The following USP34 variants were observed in gnomAD, a reference collection of about 807,000 sequenced individuals.
USP34 encodes the protein ubiquitin specific peptidase 34, also known as ubiquitin carboxyl-terminal hydrolase 34.
A neutral mutation model predicts 460.3 loss-of-function variants in USP34; 70 were observed. That is an observed-to-expected ratio of 0.15 (90% CI 0.13 to 0.19). The LOEUF (loss-of-function observed/expected upper bound fraction) is 0.19, where lower values mean the gene tolerates loss of function less well. Among genes scored for constraint, USP34 ranks in the 10% least tolerant of loss-of-function variants. The pLI is 1.00. For synonymous variants in USP34, 1,647 were observed against 1,405.3 expected (o/e 1.17, Z -3.85); for missense variants, 3,985 against 4,236.2 (o/e 0.94, Z 1.65).
intron 20 of USP34, among the ~76,000 whole-genome samples, chr2:61,328,504 A>G (rs908149479): frequency 6.6e-6 from 1 of 152,150 alleles, no homozygotes; most frequent in Non-Finnish European, 1.5e-5. Flanking sequence ...GCAAATGTAC[A>G]CTTGTTTTAC....
chr2:61,258,818 T>C (rs1688792894), intron 44 of USP34, among the ~76,000 whole-genome samples: 1 of 152,128 alleles, frequency 6.6e-6, no homozygotes, highest in African/African-American at 2.4e-5. Flanking sequence ...GATACTAAGA[T>C]AAATCAGCTA....
At chr2:61,393,268 T>G (rs1257265410) in intron 5 of USP34, among the ~76,000 whole-genome samples, 1 of 151,574 alleles carries the variant, frequency 6.6e-6, no homozygotes, top group Non-Finnish European at 1.5e-5. Flanking sequence ...CAATCTCTAT[T>G]AAAAATACAA....
chr2:61,224,653 A>G (rs1233497066), intron 62 of USP34, among the ~76,000 whole-genome samples: 1 of 152,212 alleles, frequency 6.6e-6, no homozygotes, highest in Non-Finnish European at 1.5e-5. Flanking sequence ...ACTGTTTTCC[A>G]TTATTTATCA....
chr2:61,300,156 A>C (rs917973158), intron 29 of USP34, among the ~76,000 whole-genome samples: 1 of 152,206 alleles, frequency 6.6e-6, no homozygotes, highest in East Asian at 1.9e-4. Flanking sequence ...ATAAAACAAA[A>C]ATCAGAACAT....
intron 1 of USP34, among the ~76,000 whole-genome samples, chr2:61,427,086 G>A (rs1198168716): frequency 6.6e-6 from 1 of 152,174 alleles, no homozygotes; most frequent in African/African-American, 2.4e-5. Context: ...GGAGTGCAGT[G>A]GCACGATCTC....
Position 61,339,689 on chromosome 2 carries a change from G to GAA in USP34, c.2501-10_2501-9dup, listed in dbSNP as rs369130574. On this transcript the variant is annotated splice_polypyrimidine_tract_variant and intron_variant, in intron 16 of 79. Transcript: ENST00000398571. ...GTTTATGAACTACAGGTCCTGAAGA[G>GAA]AAAAAAAAAAAAAAGACACACTATA... 440 of 999,914 alleles carry GAA rather than the reference G, an allele frequency of 4.4e-4. No homozygotes were observed. Among genetic ancestry groups the GAA allele is most frequent in the South Asian group, 1.1e-3 (37 of 34,552 alleles). 61.9% of individuals were successfully genotyped at this position (999,914 alleles called of 1,614,324 possible). A position where few individuals can be genotyped will look rare whatever the true frequency, so the allele number is the denominator to read the frequency against.
intron 18 of USP34, among the ~76,000 whole-genome samples, chr2:61,334,188 A>G (rs1691351216): frequency 1.3e-5 from 2 of 152,194 alleles, no homozygotes; most frequent in Non-Finnish European, 2.9e-5. Flanking sequence ...TCTTTAAGGT[A>G]AAACACACTA....
intron 1 of USP34, among the ~76,000 whole-genome samples, chr2:61,449,891 C>T (rs1207973367): frequency 6.6e-6 from 1 of 151,960 alleles, no homozygotes; most frequent in Non-Finnish European, 1.5e-5. Flanking sequence ...TATGGTGAAA[C>T]CCCGTCTCTA....
chr2:61,224,002 T>C (rs1286541174), intron 62 of USP34, among the ~76,000 whole-genome samples: 1 of 152,166 alleles, frequency 6.6e-6, no homozygotes, highest in Non-Finnish European at 1.5e-5. Flanking sequence ...TATCATTTAA[T>C]CCATAAATCA....
At chr2:61,222,200 T>C (rs1177228370) in intron 65 of USP34, among the ~76,000 whole-genome samples, 3 of 152,232 alleles carry the variant, frequency 2.0e-5, no homozygotes, top group African/African-American at 7.2e-5. Flanking sequence ...TTTATAGTAA[T>C]GTTTGACATC....
intron 48 of USP34, among the ~76,000 whole-genome samples, chr2:61,253,316 C>A (rs1688635925): frequency 6.6e-6 from 1 of 152,210 alleles, no homozygotes; most frequent in Non-Finnish European, 1.5e-5. Flanking sequence ...ATTAGAGATT[C>A]TCCAAAGAAC....
intron 41 of USP34, among the ~76,000 whole-genome samples, chr2:61,267,638 G>A (rs943543895): frequency 2.0e-5 from 3 of 151,800 alleles, no homozygotes; most frequent in Non-Finnish European, 4.4e-5. Flanking sequence ...GTTTGAGACA[G>A]AGTCTTGCTC....
At chr2:61,444,257 T>C (rs959916984) in intron 1 of USP34, among the ~76,000 whole-genome samples, 1 of 151,664 alleles carries the variant, frequency 6.6e-6, no homozygotes, top group African/African-American at 2.4e-5. Context: ...AAAAATAAAA[T>C]CTATTAAAAA....
chr2:61,405,577 A>G (rs913674336), intron 3 of USP34, 131 bp downstream of exon 3: 1 of 930,686 alleles, frequency 1.1e-6, no homozygotes, highest in African/African-American at 1.7e-5. Flanking sequence ...CTCTGGAGAA[A>G]CATTAAATAA....
Position 61,227,177 on chromosome 2 carries a change from T to C in USP34, c.7485A>G (p.Glu2495=), listed in dbSNP as rs544496278. ...GAGAGAGGATATCTTCTTCCTCCTC[T>C]TCTTCTTCCCCTTCTTCCTCTGATA... ...EVLSEEEGEE[E]EEEEDILSLA... The change falls in exon 62 of 80, where the codon GAA becomes GAG. Residue 2495 remains glutamate (E), a synonymous_variant. Coordinates refer to ENST00000398571, the MANE Select transcript of USP34 (RefSeq NM_014709.4). 9.3e-6 allele frequency: 15 copies of C among 1,613,824 alleles called. No individual in the cohort carries two copies. The highest frequency in any genetic ancestry group is 6.7e-5 in the East Asian group (3 of 44,858).
intron 10 of USP34, among the ~76,000 whole-genome samples, chr2:61,364,243 TC>T (rs1692362046): frequency 1.3e-5 from 2 of 152,160 alleles, no homozygotes; most frequent in Non-Finnish European, 2.9e-5. Flanking sequence ...CATGCTTTAG[TC>T]CCAGCTACTC....
chr2:61,229,236 T>A (rs1005605273), intron 59 of USP34, among the ~76,000 whole-genome samples: 1 of 129,672 alleles, frequency 7.7e-6, no homozygotes, highest in East Asian at 2.2e-4. Flanking sequence ...AGTTTTACCT[T>A]CTTGAATGTA....
chr2:61,292,189 CT>C (rs1689876629), intron 33 of USP34, among the ~76,000 whole-genome samples: 1 of 151,378 alleles, frequency 6.6e-6, no homozygotes, highest in African/African-American at 2.4e-5. Context: ...TGCATGTTAA[CT>C]ATATTTCAAA....
chr2:61,241,022 C>T (rs1688241125), intron 53 of USP34, among the ~76,000 whole-genome samples: 1 of 152,030 alleles, frequency 6.6e-6, no homozygotes, highest in African/African-American at 2.4e-5. Context: ...TTAAGTCACT[C>T]TGATTCCCTC....
Sources: gnomAD v4.1 joint callset for allele counts (sites outside exome capture counted in the v4.1 genomes callset) on GRCh38, gnomAD v4.1.1 for gene constraint, MANE v1.5 for transcripts, NCBI Gene and HGNC (gene_info 2026-07-23, HGNC 2026-07-21) for gene names.